RNLS: variants seen among roughly 807,000 people sequenced by gnomAD.
RNLS encodes renalase.
In RNLS, 39 loss-of-function variants were observed where a neutral mutation model predicts 39.8. That is an observed-to-expected ratio of 0.98 (90% CI 0.76 to 1.28). The LOEUF is 1.28. Among genes scored for constraint, RNLS ranks in the 50% most tolerant of loss-of-function variants. The pLI is 0.00. For synonymous variants in RNLS, 147 were observed against 150.7 expected, an observed-to-expected ratio of 0.98 and a Z score of 0.18; for missense variants, 410 against 413.3, an observed-to-expected ratio of 0.99 and a Z score of 0.07.
chr10:88,558,694 A>T (rs894922576), intron 4 of RNLS, among the ~76,000 whole-genome samples: 3 of 152,170 alleles, frequency 2.0e-5, no homozygotes, highest in Non-Finnish European at 2.9e-5. Flanking sequence ...AGAGAAAGAA[A>T]GATTAAGTAG....
At chr10:88,363,692 C>T (rs1278911775) in intron 4 of RNLS, among the ~76,000 whole-genome samples, 1 of 152,042 alleles carries the variant, frequency 6.6e-6, no homozygotes, top group South Asian at 2.1e-4. Context: ...TCAACTTCTT[C>T]ACAAAAGAAG....
chr10:88,376,688 TCA>T (rs1435583776), intron 4 of RNLS, among the ~76,000 whole-genome samples: 1 of 152,114 alleles, frequency 6.6e-6, no homozygotes, highest in Non-Finnish European at 1.5e-5. Flanking sequence ...GGGATTACAC[TCA>T]CATATTAGTA....
chr10:88,177,470 T>C, the RNLS span, among the ~76,000 whole-genome samples: 1 of 152,342 alleles, frequency 6.6e-6, no homozygotes, highest in East Asian at 1.9e-4. Flanking sequence ...AATTTCTTAT[T>C]CAGACCATGA....
At chr10:88,378,658 C>T (rs541790349) in intron 4 of RNLS, among the ~76,000 whole-genome samples, 1 of 152,058 alleles carries the variant, frequency 6.6e-6, no homozygotes, top group African/African-American at 2.4e-5. Flanking sequence ...AACAGACAGG[C>T]CTTACTGGGT....
the RNLS span, among the ~76,000 whole-genome samples, chr10:88,187,149 TATATATATAATATATATAATATATATATA>T: frequency 7.2e-3 from 982 of 136,656 alleles, 23 homozygotes; most frequent in African/African-American, 0.023. Flanking sequence ...TCAAAAAATA[TATATATATAATATATATAATATATATATA>T]ATATATATAA....
intron 4 of RNLS, among the ~76,000 whole-genome samples, chr10:88,427,056 T>C (rs1655381820): frequency 6.6e-6 from 1 of 152,020 alleles, no homozygotes; most frequent in South Asian, 2.1e-4. Context: ...TGTCTGGTAC[T>C]CCCCACAGGT....
chr10:88,571,436 C>T (rs1335548295), intron 4 of RNLS, among the ~76,000 whole-genome samples: 1 of 152,256 alleles, frequency 6.6e-6, no homozygotes. Context: ...ACAGTATGTA[C>T]AGCTTTTCAT....
the RNLS span, among the ~76,000 whole-genome samples, chr10:88,213,960 C>T: frequency 6.6e-6 from 1 of 152,172 alleles, no homozygotes; most frequent in Non-Finnish European, 1.5e-5. Flanking sequence ...AAAGGGAATT[C>T]ATGGGCTTAC....
At chr10:88,344,507 G>C (rs146126732) in intron 5 of RNLS, among the ~76,000 whole-genome samples, 18 of 152,056 alleles carry the variant, frequency 1.2e-4, no homozygotes, top group East Asian at 3.9e-4. Flanking sequence ...TTGGATCTGG[G>C]TATTTTGGCA....
the RNLS span, among the ~76,000 whole-genome samples, chr10:88,192,243 C>T: frequency 2.2e-4 from 34 of 152,194 alleles, no homozygotes; most frequent in African/African-American, 7.2e-4. Context: ...ATTTTAGTTT[C>T]TTCATCTGTA....
intron 4 of RNLS, among the ~76,000 whole-genome samples, chr10:88,455,380 A>G (rs776251202): frequency 1.3e-5 from 2 of 152,022 alleles, no homozygotes; most frequent in Non-Finnish European, 2.9e-5. Flanking sequence ...TCCTGTAATT[A>G]CCTCTAACTA....
At chr10:88,439,273 C>T (rs1841581227) in intron 4 of RNLS, among the ~76,000 whole-genome samples, 1 of 152,184 alleles carries the variant, frequency 6.6e-6, no homozygotes, top group Admixed American at 6.5e-5. Context: ...TAATCTTAAG[C>T]TCCAGATGTT....
At chr10:88,501,189 C>T (rs1438093535) in intron 4 of RNLS, among the ~76,000 whole-genome samples, 1 of 151,914 alleles carries the variant, frequency 6.6e-6, no homozygotes, top group Non-Finnish European at 1.5e-5. Context: ...TAACTCCATA[C>T]CAAAAGGAAA....
the RNLS span, among the ~76,000 whole-genome samples, chr10:88,221,385 G>A: frequency 4.1e-4 from 63 of 152,250 alleles, no homozygotes; most frequent in South Asian, 9.3e-3. Context: ...TTGAACTGTC[G>A]TCTTTTCTTT....
rs539775206 is a variant in RNLS, at chr10:88,345,865, C to A, written c.700+16687G>T. Among the ~76,000 whole-genome samples the A allele has an allele frequency of 1.7e-3, 252 of 152,102 alleles. 1 individual carries two copies. Among genetic ancestry groups the A allele is most frequent in the African/African-American group, 6.0e-3 (247 of 41,512 alleles). ...AGACAGCAATATCATATGCTTCAAC[C>A]TAATTCTAAGTGCTGAGTTACAGTA... On this transcript the variant is annotated intron_variant, in intron 5 of 6. Coordinates refer to ENST00000331772, the MANE Select transcript of RNLS (RefSeq NM_001031709.3).
chr10:88,475,664 ACT>A (rs1282719998), intron 4 of RNLS, among the ~76,000 whole-genome samples: 2 of 151,890 alleles, frequency 1.3e-5, no homozygotes, highest in Admixed American at 6.6e-5. Flanking sequence ...TTCCCTCTAC[ACT>A]CTCTGTGAGG....
intron 4 of RNLS, among the ~76,000 whole-genome samples, chr10:88,568,224 T>A (rs566445354): frequency 2.0e-5 from 3 of 152,236 alleles, no homozygotes; most frequent in South Asian, 2.1e-4. Context: ...TCCAGCTCCA[T>A]CATGACCTTT....
intron 6 of RNLS, among the ~76,000 whole-genome samples, chr10:88,287,703 C>A (rs1352028031): frequency 6.6e-6 from 1 of 152,050 alleles, no homozygotes; most frequent in Non-Finnish European, 1.5e-5. Context: ...AAAGCAGGCA[C>A]GTCTTACATG....
At chr10:88,203,452 GTGTGTATA>G in the RNLS span, among the ~76,000 whole-genome samples, 2 of 580 alleles carry the variant, frequency 3.4e-3, no homozygotes, top group African/African-American at 0.038. Context: ...GTGTGTGTGT[GTGTGTATA>G]TATATATATA....
Sources: allele counts gnomAD v4.1 joint callset (sites outside exome capture counted in the v4.1 genomes callset), GRCh38; gene constraint gnomAD v4.1.1; transcripts MANE v1.5; gene names NCBI Gene and HGNC (gene_info 2026-07-23, HGNC 2026-07-21).